Variants in RNF24 observed in about 807,000 individuals in gnomAD.
The protein encoded by RNF24 is ring finger protein 24.
In RNF24, 14 loss-of-function variants were observed where a neutral mutation model predicts 20.0. The observed-to-expected ratio is 0.70, with a 90% confidence interval of 0.46 to 1.10. RNF24 has a LOEUF of 1.10. RNF24 is among the 50% of genes least tolerant of loss of function. The probability of loss-of-function intolerance (pLI) is 0.00; values close to 1 mark genes in which losing one functional copy is unlikely to be tolerated. For synonymous variants in RNF24, 45 were observed against 61.1 expected (o/e 0.74, Z 1.23); for missense variants, 124 against 177.6 (o/e 0.70, Z 1.71).
chr20:3,956,684 C>T (rs548127168), intron 2 of RNF24, among the ~76,000 whole-genome samples: 3 of 151,996 alleles, frequency 2.0e-5, no homozygotes, highest in Admixed American at 1.3e-4. Flanking sequence ...TCCATGAAAA[C>T]GTTGCTCATT....
rs573620579 is a variant in RNF24, at chr20:3,979,463, G to A, written c.-7-15439C>T. Among the ~76,000 whole-genome samples, 4 of 152,236 alleles carry A rather than the reference G, an allele frequency of 2.6e-5. No individual in the cohort carries two copies. The East Asian group carries it at 7.7e-4, about 29-fold the overall frequency. On this transcript the variant is annotated intron_variant, in intron 1 of 5. Coordinates refer to ENST00000358395, the MANE Select transcript of RNF24 (RefSeq NM_001134337.3). Reference sequence around the variant, plus strand: ...GGCCAAGGTGGGTGGATCACCTGAGGTCAGGAGTTCAGACCAGCACGGCCA... The same window carrying A: ...GGCCAAGGTGGGTGGATCACCTGAGATCAGGAGTTCAGACCAGCACGGCCA...
chr20:3,944,144 A>G (rs187882032), intron 4 of RNF24, among the ~76,000 whole-genome samples: 1 of 147,022 alleles, frequency 6.8e-6, no homozygotes, highest in East Asian at 2.1e-4. Context: ...CAGGAGGCGG[A>G]GTTTGTAGTG....
chr20:3,977,105 G>GA (rs1978932630), intron 1 of RNF24, among the ~76,000 whole-genome samples: 1 of 151,674 alleles, frequency 6.6e-6, no homozygotes, highest in African/African-American at 2.4e-5. Context: ...CATTTGTATA[G>GA]AAAAAAAAGA....
intron 4 of RNF24, among the ~76,000 whole-genome samples, chr20:3,939,194 A>G (rs1376712614): frequency 2.0e-5 from 3 of 152,110 alleles, no homozygotes; most frequent in Admixed American, 2.0e-4. Flanking sequence ...GAGTCTTGCT[A>G]TGTTGCCCAG....
At chr20:3,966,587 G>T (rs189481726) in intron 1 of RNF24, among the ~76,000 whole-genome samples, 1 of 151,490 alleles carries the variant, frequency 6.6e-6, no homozygotes, top group East Asian at 1.9e-4. Context: ...CTCTGGAGAG[G>T]ATTCCACCAA....
intron 1 of RNF24, among the ~76,000 whole-genome samples, chr20:3,970,047 G>A (rs568777530): frequency 7.2e-5 from 11 of 152,220 alleles, no homozygotes; most frequent in Admixed American, 2.6e-4. Context: ...GAGACTACAT[G>A]TGGACCCTGA....
intron 1 of RNF24, chr20:4,015,092 C>G (rs1015770007): frequency 6.6e-6 from 1 of 152,442 alleles, no homozygotes; most frequent in Non-Finnish European, 1.5e-5. Context: ...CTCCCACGCC[C>G]GGGGACCCGA....
intron 2 of RNF24, among the ~76,000 whole-genome samples, chr20:3,959,648 G>A (rs888372973): frequency 2.6e-5 from 4 of 151,900 alleles, no homozygotes; most frequent in Non-Finnish European, 4.4e-5. Flanking sequence ...GGCTCTACAG[G>A]GTTAATAACA....
intron 1 of RNF24, among the ~76,000 whole-genome samples, chr20:4,001,030 G>C (rs1043948723): frequency 1.2e-4 from 18 of 152,252 alleles, no homozygotes; most frequent in African/African-American, 4.1e-4. Context: ...ACTTTGGGAG[G>C]CCGAGGCAGG....
Position 3,931,717 on chromosome 20 carries a change from C to T in RNF24, c.*2346G>A, listed in dbSNP as rs966763676. 1.3e-5 allele frequency: 2 copies of T among 152,230 alleles called. No homozygotes were observed. Among genetic ancestry groups the T allele is most frequent in the Non-Finnish European group, 2.9e-5 (2 of 68,044 alleles). 9.4% of individuals were successfully genotyped at this position (152,230 alleles called of 1,614,324 possible). A position where few individuals can be genotyped will look rare whatever the true frequency, so the allele number is the denominator to read the frequency against. On this transcript the variant is annotated 3_prime_UTR_variant, in exon 6 of 6. Transcript: ENST00000358395. ...AGAATGAATGCATTTTAAAACCAGT[C>T]CACATTCACATGTGCTGAGAAGGTT...
chr20:3,945,055 A>G, intron 4 of RNF24, 122 bp downstream of exon 4: 4 of 1,266,446 alleles, frequency 3.2e-6, no homozygotes, highest in Non-Finnish European at 4.4e-6. Flanking sequence ...GAAATATTCT[A>G]TTACCCCAAT....
chr20:3,990,220 G>C (rs1844253490), intron 1 of RNF24, among the ~76,000 whole-genome samples: 1 of 151,560 alleles, frequency 6.6e-6, no homozygotes, highest in East Asian at 1.9e-4. Flanking sequence ...AATGGGGAAG[G>C]CCTTTCTAAG....
At chr20:3,992,147 G>C (rs1429456625) in intron 1 of RNF24, among the ~76,000 whole-genome samples, 1 of 152,134 alleles carries the variant, frequency 6.6e-6, no homozygotes, top group Non-Finnish European at 1.5e-5. Flanking sequence ...ATAACAGTTG[G>C]CTTTTTAAAG....
chr20:3,958,952 T>C (rs535157792), intron 2 of RNF24, among the ~76,000 whole-genome samples: 14 of 152,312 alleles, frequency 9.2e-5, no homozygotes, highest in Admixed American at 6.5e-4. Context: ...TCGATTTTCC[T>C]CTTATCTCCT....
Position 3,938,041 on chromosome 20 carries a change from T to A in RNF24, c.229-2968A>T, listed in dbSNP as rs140773205. Reference sequence around the variant, plus strand: ...TTTTTGAGGAGCTACCAAACCGATTTCCAAAGCGGCTGCACCATTTTACGT... The same window carrying A: ...TTTTTGAGGAGCTACCAAACCGATTACCAAAGCGGCTGCACCATTTTACGT... On this transcript the variant is annotated intron_variant, in intron 4 of 5. Transcript: ENST00000358395. 6.6e-5 allele frequency among the ~76,000 whole-genome samples: 10 copies of A among 152,304 alleles called. No homozygotes were observed. The East Asian group carries it at 1.9e-3, about 29-fold the overall frequency.
chr20:3,991,347 G>T (rs1376940512), intron 1 of RNF24, among the ~76,000 whole-genome samples: 1 of 146,068 alleles, frequency 6.8e-6, no homozygotes, highest in African/African-American at 2.6e-5. Context: ...CGCCTACCTG[G>T]TTCAAGTGAT....
chr20:3,985,109 T>A (rs1979770493), intron 1 of RNF24, among the ~76,000 whole-genome samples: 3 of 152,340 alleles, frequency 2.0e-5, no homozygotes, highest in Middle Eastern at 3.4e-3. Context: ...GTCTATTCCA[T>A]CTATGTTTTA....
chr20:4,002,082 C>T (rs1981444895), intron 1 of RNF24, among the ~76,000 whole-genome samples: 2 of 151,862 alleles, frequency 1.3e-5, no homozygotes, highest in Non-Finnish European at 2.9e-5. Context: ...GAAACCCCAT[C>T]TCTACCAAAA....
intron 1 of RNF24, among the ~76,000 whole-genome samples, chr20:4,011,124 A>C (rs1411620359): frequency 1.3e-5 from 2 of 152,230 alleles, no homozygotes; most frequent in Non-Finnish European, 2.9e-5. Flanking sequence ...GAAGATCCTA[A>C]AATCTTTCAG....
Sources: allele counts gnomAD v4.1 joint callset (sites outside exome capture counted in the v4.1 genomes callset), GRCh38; gene constraint gnomAD v4.1.1; transcripts MANE v1.5; gene names NCBI Gene and HGNC (gene_info 2026-07-23, HGNC 2026-07-21).